The following HEG1 variants were observed in gnomAD, a reference collection of about 807,000 sequenced individuals.
HEG1 encodes heart development protein with EGF like domains 1.
Under a neutral mutation model 125.6 loss-of-function variants are expected in HEG1, and 56 were observed. The ratio of observed to expected loss-of-function variants is 0.45; its 90% CI spans 0.36 to 0.56. The LOEUF (loss-of-function observed/expected upper bound fraction) is 0.56, where lower values mean the gene tolerates loss of function less well. Among genes scored for constraint, HEG1 ranks in the 20% least tolerant of loss-of-function variants. The pLI, the probability that HEG1 is intolerant of heterozygous loss-of-function variation, is 0.00. For synonymous variants in HEG1, 644 were observed against 668.5 expected (o/e 0.96, Z 0.57); for missense variants, 1,523 against 1,670.0 (o/e 0.91, Z 1.53).
rs373806305 is a variant in HEG1, at chr3:125,013,399, G to A, written c.2180C>T (p.Thr727Ile). Residue 727 changes from threonine to isoleucine, a missense_variant, in exon 6 of 17, where the codon ACA (threonine) becomes ATA (isoleucine). Physicochemically the swap from Thr to Ile is moderately conservative, Grantham distance 89 (BLOSUM62 -1). Coordinates refer to ENST00000311127, the MANE Select transcript of HEG1 (RefSeq NM_020733.2). The stretch of plus-strand genomic sequence containing the variant: ...TTGTGAGACAGAAAGTGGGGCAGAT[G>A]TAGATGTCGTTAAGGATACTGGTAA... The part of the protein sequence containing the change: ...SPLPVSLTTS[T>I]SAPLSVSQTT... The A allele has an allele frequency of 6.2e-7, 1 of 1,614,034 alleles. No individual in the cohort carries two copies. Among genetic ancestry groups the A allele is most frequent in the African/African-American group, 1.3e-5 (1 of 75,036 alleles).
Position 124,977,903 on chromosome 3 carries a change from C to A in HEG1, c.3777G>T (p.Gly1259=). The A allele has an allele frequency of 6.3e-7, 1 of 1,581,148 alleles. No individual in the cohort carries two copies. The highest frequency in any genetic ancestry group is 8.6e-7 in the Non-Finnish European group (1 of 1,163,510). The change falls in exon 15 of 17, where the codon GGG becomes GGT. Residue 1259 remains glycine (G), a synonymous_variant. Transcript: ENST00000311127. ...ITVVIAAAGG[G]LLLILGIALI... is the part of the protein sequence containing the mutation. The stretch of plus-strand genomic sequence containing the variant: ...GTGCGATGCCTAGGATGAGCAGGAG[C>A]CCACCTCCCGCGGCTGCGATCACCA...
At chr3:124,998,311 G>T (rs1445934631) in intron 11 of HEG1, among the ~76,000 whole-genome samples, 1 of 152,206 alleles carries the variant, frequency 6.6e-6, no homozygotes, top group Admixed American at 6.5e-5. Context: ...TGTCTGCATG[G>T]CCTAAAAAGG....
chr3:124,998,212 C>T (rs1432121898), intron 11 of HEG1, among the ~76,000 whole-genome samples: 1 of 152,162 alleles, frequency 6.6e-6, no homozygotes, highest in African/African-American at 2.4e-5. Context: ...CCAGAAAATA[C>T]GGCTGAGTTC....
At chr3:124,987,511 GTTTC>G (rs1193689997) in intron 14 of HEG1, among the ~76,000 whole-genome samples, 1 of 148,766 alleles carries the variant, frequency 6.7e-6, no homozygotes, top group Non-Finnish European at 1.5e-5. Flanking sequence ...AAGCCTCTCT[GTTTC>G]TTTTTTTCTT....
At chr3:124,988,802 A>C (rs1330206817) in intron 14 of HEG1, among the ~76,000 whole-genome samples, 2 of 152,208 alleles carry the variant, frequency 1.3e-5, no homozygotes, top group Non-Finnish European at 2.9e-5. Context: ...CTGTTGTCCC[A>C]GCTACTTGGG....
intron 5 of HEG1, 75 bp downstream of exon 5, chr3:125,019,187 C>A (rs75125645): frequency 3.8e-6 from 5 of 1,302,212 alleles, no homozygotes; most frequent in Admixed American, 1.9e-5. Flanking sequence ...GGTTTTAATA[C>A]GCCACAGATT....
Position 125,012,866 on chromosome 3 carries a change from G to A in HEG1, c.2713C>T (p.Arg905Ter), listed in dbSNP as rs769981908. ...TEGGISTERN[R>*]VIVDATTGLI... Reference sequence around the variant, plus strand: ...CCAGTGGTAGCATCCACAATCACTCGGTTCCTTTCTGTGCTGATGCCACCT... The same window carrying A: ...CCAGTGGTAGCATCCACAATCACTCAGTTCCTTTCTGTGCTGATGCCACCT... The change falls in exon 6 of 17, where the codon CGA becomes TGA. Residue 905 changes from arginine (R) to a stop codon, truncating the protein, a stop_gained. Coordinates refer to ENST00000311127, the MANE Select transcript of HEG1 (RefSeq NM_020733.2). LOFTEE classifies it high-confidence loss of function. 5.0e-6 allele frequency: 8 copies of A among 1,613,882 alleles called. No individual in the cohort carries two copies. The highest frequency in any genetic ancestry group is 5.9e-6 in the Non-Finnish European group (7 of 1,179,888).
chr3:125,005,394 G>T, intron 8 of HEG1, 26 bp from the exon 9 acceptor site: 1 of 1,310,940 alleles, frequency 7.6e-7, no homozygotes. Context: ...TAACTTGTTA[G>T]ATTACACAAC....
intron 14 of HEG1, among the ~76,000 whole-genome samples, chr3:124,982,883 C>T (rs1440313894): frequency 2.0e-5 from 3 of 152,178 alleles, no homozygotes; most frequent in African/African-American, 7.2e-5. Flanking sequence ...GAAAAGAGGG[C>T]CATCACTTTC....
At chr3:125,049,527 C>T (rs1199126597) in intron 1 of HEG1, among the ~76,000 whole-genome samples, 1 of 152,226 alleles carries the variant, frequency 6.6e-6, no homozygotes, top group Non-Finnish European at 1.5e-5. Context: ...TCTCAACCAT[C>T]CACAGAATAC....
At chr3:125,026,097 C>T (rs1463538372) in intron 3 of HEG1, among the ~76,000 whole-genome samples, 1 of 152,204 alleles carries the variant, frequency 6.6e-6, no homozygotes, top group African/African-American at 2.4e-5. Context: ...CCAACCCTCT[C>T]TGTCCTGCTC....
At chr3:124,998,237 C>G (rs1936952951) in intron 11 of HEG1, among the ~76,000 whole-genome samples, 1 of 152,184 alleles carries the variant, frequency 6.6e-6, no homozygotes, top group South Asian at 2.1e-4. Flanking sequence ...GAAGCCGAGA[C>G]TTGGACTAAG....
At chr3:125,039,160 T>C (rs1354908089) in intron 1 of HEG1, among the ~76,000 whole-genome samples, 1 of 152,154 alleles carries the variant, frequency 6.6e-6, no homozygotes, top group East Asian at 1.9e-4. Flanking sequence ...AAGAGCGTTT[T>C]ATTGCTTGCT....
At chr3:124,984,011 T>A (rs1936696886) in intron 14 of HEG1, among the ~76,000 whole-genome samples, 1 of 152,144 alleles carries the variant, frequency 6.6e-6, no homozygotes, top group African/African-American at 2.4e-5. Flanking sequence ...TAATAGATTC[T>A]CCCTCCTTCC....
chr3:124,980,819 T>C (rs1355801903), intron 14 of HEG1, among the ~76,000 whole-genome samples: 1 of 151,638 alleles, frequency 6.6e-6, no homozygotes, highest in African/African-American at 2.4e-5. Flanking sequence ...GCGCCTGGCC[T>C]GAGGACCAGT....
Position 125,027,339 on chromosome 3 carries a change from G to C in HEG1, c.779C>G (p.Pro260Arg). Residue 260 changes from proline to arginine, a missense_variant, in exon 3 of 17, where the codon CCG becomes CGG. Pro to Arg is a moderately radical substitution (Grantham distance 103). Coordinates refer to ENST00000311127, the MANE Select transcript of HEG1 (RefSeq NM_020733.2). ...SQEATTSAWSPSFLPALEMGE... is the reference protein window; with the variant it reads ...SQEATTSAWSRSFLPALEMGE... ...CATCTCCAAAGCAGGAAGAAAGGAC[G>C]GGCTCCAAGCCGAAGTGGTGGCCTC... 6.2e-7 allele frequency: 1 copy of C among 1,613,934 alleles called. No homozygotes were observed. The highest frequency in any genetic ancestry group is 8.5e-7 in the Non-Finnish European group (1 of 1,179,864).
At position 125,010,475 on chromosome 3, in the gene HEG1, A is replaced by C. The variant is rs1579415235; in HGVS notation, c.3037T>G (p.Cys1013Gly). ...DNTSRGYHCR[C>G]PPSWQGDDCS... Reference sequence around the variant, plus strand: ...TCATCCCCTTGCCAGGAAGGCGGGCACCTGCAGTGGTAGCCACGGCTGGTG... The same window carrying C: ...TCATCCCCTTGCCAGGAAGGCGGGCCCCTGCAGTGGTAGCCACGGCTGGTG... Residue 1013 changes from cysteine (C) to glycine (G), a missense_variant, in exon 7 of 17, where the codon TGC becomes GGC. Coordinates refer to ENST00000311127, the MANE Select transcript of HEG1 (RefSeq NM_020733.2). 1.9e-6 allele frequency: 3 copies of C among 1,558,930 alleles called. No individual in the cohort carries two copies. Among genetic ancestry groups the C allele is most frequent in the Non-Finnish European group, 2.6e-6 (3 of 1,150,574 alleles).
intron 1 of HEG1, among the ~76,000 whole-genome samples, chr3:125,044,606 A>G (rs1937634657): frequency 6.6e-6 from 1 of 152,240 alleles, no homozygotes; most frequent in South Asian, 2.1e-4. Context: ...AGTGAGATTA[A>G]GTAATTTGTC....
chr3:125,037,002 A>T (rs1056902941), intron 1 of HEG1, among the ~76,000 whole-genome samples: 2 of 152,234 alleles, frequency 1.3e-5, no homozygotes, highest in Admixed American at 1.3e-4. Context: ...GGGTATAAGG[A>T]AGTTTATCAC....
Sources: gnomAD v4.1 joint callset for allele counts (sites outside exome capture counted in the v4.1 genomes callset) on GRCh38, gnomAD v4.1.1 for gene constraint, MANE v1.5 for transcripts, NCBI Gene and HGNC (gene_info 2026-07-23, HGNC 2026-07-21) for gene names.